The following DNAH6 variants were observed in gnomAD, a reference collection of about 807,000 sequenced individuals.
DNAH6 encodes the protein axonemal beta dynein heavy chain 6.
A neutral mutation model predicts 491.4 loss-of-function variants in DNAH6; 340 were observed. The ratio of observed to expected loss-of-function variants is 0.69; its 90% CI spans 0.63 to 0.76. The LOEUF (loss-of-function observed/expected upper bound fraction) is 0.76. Among genes scored for constraint, DNAH6 ranks in the 30% least tolerant of loss-of-function variants. The pLI is 0.00. For missense variants in DNAH6, 4,443 were observed against 4,972.2 expected, an observed-to-expected ratio of 0.89 and a Z score of 3.20; for synonymous variants, 1,603 against 1,686.1, an observed-to-expected ratio of 0.95 and a Z score of 1.21.
At chr2:84,478,243 T>G in the DNAH6 span, among the ~76,000 whole-genome samples, 1 of 152,210 alleles carries the variant, frequency 6.6e-6, no homozygotes, top group Admixed American at 6.5e-5. Context: ...TGGATTATTT[T>G]CATCTGAAGT....
chr2:84,623,444 C>T (rs1291671807), intron 26 of DNAH6, among the ~76,000 whole-genome samples: 2 of 152,078 alleles, frequency 1.3e-5, no homozygotes, highest in Non-Finnish European at 2.9e-5. Flanking sequence ...AAAAATAAAA[C>T]AACCTTATTG....
At chr2:84,645,573 T>G (rs1395315547) in intron 33 of DNAH6, among the ~76,000 whole-genome samples, 1 of 152,234 alleles carries the variant, frequency 6.6e-6, no homozygotes, top group East Asian at 1.9e-4. Context: ...GAAGTGCCTG[T>G]TCATGCACTT....
In DNAH6 at chr2:84,558,422, TA is replaced by T. The variant is rs78113898; in HGVS notation, c.1803+504del. Among the ~76,000 whole-genome samples, 901 of 108,894 alleles carry T rather than the reference TA, an allele frequency of 8.3e-3. 1 individual carries two copies. Among genetic ancestry groups the T allele is most frequent in the African/African-American group, 0.014 (404 of 29,250 alleles). The allele number at this position is 108,894 out of a possible 152,430, so 71.4% of individuals were successfully genotyped here. On this transcript the variant is annotated intron_variant, in intron 11 of 76. Transcript: ENST00000389394. ...CTAGGTGACAGAGCGAGACTCCATC[TA>T]AAAAAAAAAAAAAAAAGGCATTAAA...
intron 5 of DNAH6, among the ~76,000 whole-genome samples, chr2:84,545,363 A>G (rs547654773): frequency 2.0e-3 from 307 of 152,274 alleles, no homozygotes; most frequent in African/African-American, 7.1e-3. Flanking sequence ...AAAATATTCC[A>G]GTCCTTCTTG....
chr2:84,686,519 T>G lies in DNAH6; in HGVS notation c.7099T>G (p.Phe2367Val). ...HFGIAIDLEY[F>V]LNKPIIFGDF... ...TGGAATTGCAATTGACCTGGAATAT[T>G]TTTTGAATAAGCCCATCATATTTGG... The change falls in exon 44 of 77, where the codon TTT becomes GTT. Residue 2367 changes from phenylalanine (F) to valine (V), a missense_variant. Coordinates refer to ENST00000389394, the MANE Select transcript of DNAH6 (RefSeq NM_001370.2). 6.5e-7 allele frequency: 1 copy of G among 1,541,118 alleles called. No individual in the cohort carries two copies. Among genetic ancestry groups the G allele is most frequent in the Non-Finnish European group, 8.8e-7 (1 of 1,139,318 alleles).
the DNAH6 span, among the ~76,000 whole-genome samples, chr2:84,483,780 GAT>G: frequency 2.0e-5 from 3 of 152,288 alleles, no homozygotes; most frequent in African/African-American, 7.2e-5. Context: ...GCCCTCCTCT[GAT>G]ATAACAGGCA....
At chr2:84,688,015 A>C (rs1205990074) in intron 44 of DNAH6, among the ~76,000 whole-genome samples, 1 of 152,074 alleles carries the variant, frequency 6.6e-6, no homozygotes, top group African/African-American at 2.4e-5. Flanking sequence ...CGGGCAGATT[A>C]TTTGAGGTCA....
chr2:84,671,910 G>A (rs1213717470), intron 39 of DNAH6, among the ~76,000 whole-genome samples: 1 of 152,358 alleles, frequency 6.6e-6, no homozygotes, highest in Admixed American at 6.5e-5. Context: ...GTTTCCCTGT[G>A]AGGGTACTGT....
rs948590408 is a variant in DNAH6 at position 84,624,950 on chromosome 2, G to T, written c.4402G>T (p.Gly1468Cys). Residue 1468 changes from glycine (G) to cysteine (C), a missense_variant, in exon 29 of 77, where the codon GGT (glycine) becomes TGT (cysteine). This residue lies in a region of DNAH6 where 2,977 missense variants were observed against 3,296.6 expected (regional missense o/e 0.90). Transcript: ENST00000389394. ...LMGALQLDLG[G>C]APAGPAGTGK... is the part of the protein sequence containing the mutation. ...GGGAGCTTTGCAGCTTGACCTTGGG[G>T]GTGCACCAGCTGGTCCTGCTGGCAC... is the stretch of plus-strand genomic sequence containing the variant. 3 of 1,551,634 alleles carry T rather than the reference G, an allele frequency of 1.9e-6. No homozygotes were observed. Among genetic ancestry groups the T allele is most frequent in the East Asian group, 4.9e-5 (2 of 40,916 alleles).
At chr2:84,812,115 G>A (rs1680043568) in intron 72 of DNAH6, among the ~76,000 whole-genome samples, 1 of 152,184 alleles carries the variant, frequency 6.6e-6, no homozygotes, top group South Asian at 2.1e-4. Flanking sequence ...CCACTGCACT[G>A]GACTCTGCTT....
At chr2:84,651,066 G>A (rs1052255533) in intron 33 of DNAH6, among the ~76,000 whole-genome samples, 2 of 152,138 alleles carry the variant, frequency 1.3e-5, no homozygotes, top group Admixed American at 1.3e-4. Flanking sequence ...CAGTCCTCCA[G>A]TGATATTGTC....
At chr2:84,750,462 A>C (rs1673363244) in intron 63 of DNAH6, among the ~76,000 whole-genome samples, 1 of 152,048 alleles carries the variant, frequency 6.6e-6, no homozygotes, top group African/African-American at 2.4e-5. Context: ...TGGGATTACA[A>C]GTGTGAGCCA....
intron 70 of DNAH6, among the ~76,000 whole-genome samples, chr2:84,800,930 G>A (rs1678832940): frequency 6.6e-6 from 1 of 151,844 alleles, no homozygotes; most frequent in African/African-American, 2.4e-5. Flanking sequence ...AACATGATGA[G>A]TTCATGTCCT....
chr2:84,720,469 G>A (rs1305374958), intron 59 of DNAH6, among the ~76,000 whole-genome samples: 18 of 150,644 alleles, frequency 1.2e-4, no homozygotes, highest in Admixed American at 4.6e-4. Context: ...TAGTAGAGAC[G>A]GGGTTTCACC....
At chr2:84,539,847 G>A (rs562130092) in intron 4 of DNAH6, among the ~76,000 whole-genome samples, 1 of 152,150 alleles carries the variant, frequency 6.6e-6, no homozygotes, top group South Asian at 2.1e-4. Context: ...GCCATCTTTG[G>A]TTAATCAAAC....
At chr2:84,621,824 A>G (rs937903124) in intron 26 of DNAH6, among the ~76,000 whole-genome samples, 1 of 152,222 alleles carries the variant, frequency 6.6e-6, no homozygotes, top group Non-Finnish European at 1.5e-5. Flanking sequence ...AATTGTTTGC[A>G]ACTTTTAAGG....
At chr2:84,787,652 T>C (rs1211292455) in intron 68 of DNAH6, among the ~76,000 whole-genome samples, 2 of 152,174 alleles carry the variant, frequency 1.3e-5, no homozygotes, top group Non-Finnish European at 2.9e-5. Flanking sequence ...GTGCTACACA[T>C]GAGAAAACTG....
intron 75 of DNAH6, among the ~76,000 whole-genome samples, chr2:84,815,619 T>A (rs1053705199): frequency 1.3e-5 from 2 of 152,172 alleles, no homozygotes; most frequent in Non-Finnish European, 2.9e-5. Context: ...TTGCTAAGAA[T>A]AACAGACGAT....
intron 44 of DNAH6, 101 bp from the exon 45 acceptor site, chr2:84,688,338 A>G (rs1694493757): frequency 1.8e-5 from 18 of 1,026,424 alleles, no homozygotes; most frequent in Middle Eastern, 2.9e-4. Context: ...AAGACCTTCA[A>G]AATTCCAGTG....
Sources: gnomAD v4.1 joint callset for allele counts (sites outside exome capture counted in the v4.1 genomes callset) on GRCh38, gnomAD v4.1.1 for gene constraint, gnomAD v4.1.1 regional missense constraint, MANE v1.5 for transcripts, NCBI Gene and HGNC (gene_info 2026-07-23, HGNC 2026-07-21) for gene names.